WNT3A: variants seen among roughly 807,000 people sequenced by gnomAD.
WNT3A encodes protein Wnt-3a.
Under a neutral mutation model 37.0 loss-of-function variants are expected in WNT3A, and 17 were observed. The observed-to-expected ratio is 0.46, with a 90% CI of 0.31 to 0.69. WNT3A has a LOEUF of 0.69. WNT3A is among the 30% of genes least tolerant of loss of function. The pLI is 0.05. For synonymous variants in WNT3A, 187 were observed against 211.0 expected, an observed-to-expected ratio of 0.89 and a Z score of 0.99; for missense variants, 411 against 510.2, an observed-to-expected ratio of 0.81 and a Z score of 1.87.
rs769083925 is a variant in WNT3A at position 228,007,135 on chromosome 1, C to T, written c.7C>T (p.Pro3Ser). MA[P>S]LGYFLLLCSL... is the part of the protein sequence containing the mutation. Reference sequence around the variant, plus strand: ...CGCGCCCTCTCGCGCGGCGATGGCCCCACTCGGATACTTCTTACTCCTCTG... The same window carrying T: ...CGCGCCCTCTCGCGCGGCGATGGCCTCACTCGGATACTTCTTACTCCTCTG... Residue 3 changes from proline (P) to serine (S), a missense_variant, in exon 1 of 4, where the codon CCA becomes TCA. Pro to Ser is a moderately conservative substitution (Grantham distance 74). Coordinates refer to ENST00000284523, the MANE Select transcript of WNT3A (RefSeq NM_033131.4). The surrounding 1 kb of genome is among the most constrained non-coding windows in gnomAD (Gnocchi z 6.0). The T allele has an allele frequency of 6.3e-7, 1 of 1,588,614 alleles. No individual in the cohort carries two copies. The highest frequency in any genetic ancestry group is 1.1e-5 in the South Asian group (1 of 87,882).
In WNT3A at chr1:228,031,050, T is replaced by C. The variant is rs937572986; in HGVS notation, c.313+8142T>C. Reference sequence around the variant, plus strand: ...GGTGGGGCCTGGCTGAGGCCATCCATGGGCAGGAGCCCTCCAGCATCCAGT... The same window carrying C: ...GGTGGGGCCTGGCTGAGGCCATCCACGGGCAGGAGCCCTCCAGCATCCAGT... On this transcript the variant is annotated intron_variant, in intron 2 of 3. Transcript: ENST00000284523. The surrounding 1 kb of genome is among the most constrained non-coding windows in gnomAD (Gnocchi z 4.8). 6.6e-6 allele frequency among the ~76,000 whole-genome samples: 1 copy of C among 152,206 alleles called. No individual in the cohort carries two copies. The highest frequency in any genetic ancestry group is 1.9e-4 in the East Asian group (1 of 5,170).
At chr1:228,041,674 T>C (rs995349831) in intron 2 of WNT3A, among the ~76,000 whole-genome samples, 1 of 152,130 alleles carries the variant, frequency 6.6e-6, no homozygotes, top group African/African-American at 2.4e-5. Context: ...TCAGAGCTCA[T>C]GTTGTCAAGC....
rs1558286472 is a variant in WNT3A, at chr1:228,022,917, G to A, written c.313+9G>A. On this transcript the variant is annotated intron_variant, in intron 2 of 3. Coordinates refer to ENST00000284523, the MANE Select transcript of WNT3A (RefSeq NM_033131.4). ...GCCCGTGCTGGACAAAGGTATGGGG[G>A]TGGTCTGGGGGAGGGCAGATGAGTC... 6.3e-7 allele frequency: 1 copy of A among 1,595,984 alleles called. No individual in the cohort carries two copies. Among genetic ancestry groups the A allele is most frequent in the Non-Finnish European group, 8.6e-7 (1 of 1,167,756 alleles).
Position 228,059,782 on chromosome 1 carries a change from C to T in WNT3A, c.*317C>T, listed in dbSNP as rs752108. On this transcript the variant is annotated 3_prime_UTR_variant, in exon 4 of 4. Coordinates refer to ENST00000284523, the MANE Select transcript of WNT3A (RefSeq NM_033131.4). ...AGGCGGGGCTACAGATTGGGCGGGG[C>T]TTCTCTTGGGTGGGACAGGGCTTCT... 3,881 of 1,149,908 alleles carry T rather than the reference C, an allele frequency of 3.4e-3. 92 individuals carry two copies. The African/African-American group carries it at 0.05, about 15-fold the overall frequency. The allele number at this position is 1,149,908 out of a possible 1,614,324, so 71.2% of individuals were successfully genotyped here.
Position 228,060,091 on chromosome 1 carries a change from T to G in WNT3A, c.*626T>G. On this transcript the variant is annotated 3_prime_UTR_variant, in exon 4 of 4. Coordinates refer to ENST00000284523, the MANE Select transcript of WNT3A (RefSeq NM_033131.4). ...GTGGGCGTGGCCTGCATAGGCTCCTTCCTGTGGGTGGGGCTTCTCTGGGAC... is the reference window on the plus strand; with the variant it reads ...GTGGGCGTGGCCTGCATAGGCTCCTGCCTGTGGGTGGGGCTTCTCTGGGAC... 1.6e-6 allele frequency: 2 copies of G among 1,251,484 alleles called. No homozygotes were observed. Among genetic ancestry groups the G allele is most frequent in the Non-Finnish European group, 2.1e-6 (2 of 970,866 alleles). 77.5% of individuals were successfully genotyped at this position (1,251,484 alleles called of 1,614,324 possible).
At position 228,060,335 on chromosome 1, in the gene WNT3A, G is replaced by A. The variant is rs769088618; in HGVS notation, c.*870G>A. On this transcript the variant is annotated 3_prime_UTR_variant, in exon 4 of 4. Coordinates refer to ENST00000284523, the MANE Select transcript of WNT3A (RefSeq NM_033131.4). ...GTCGGGTCCCCAACCCGTGCCCCTG[G>A]GATCCGAGGGCCCCTCTCCAAGCGC... 2.2e-6 allele frequency: 3 copies of A among 1,335,610 alleles called. No homozygotes were observed. In the East Asian group the frequency reaches 1.4e-4, roughly 61 times the overall value. The allele number at this position is 1,335,610 out of a possible 1,614,324, so 82.7% of individuals were successfully genotyped here. A position where few individuals can be genotyped will look rare whatever the true frequency, so the allele number is the denominator to read the frequency against.
chr1:228,009,599 C>T (rs1333198658), intron 1 of WNT3A, among the ~76,000 whole-genome samples: 1 of 152,220 alleles, frequency 6.6e-6, no homozygotes, highest in Admixed American at 6.5e-5. Flanking sequence ...TGTAACTCCT[C>T]ACCTGTGCCC....
chr1:228,022,146 A>C (rs2030723155), intron 1 of WNT3A, among the ~76,000 whole-genome samples: 1 of 152,232 alleles, frequency 6.6e-6, no homozygotes, highest in South Asian at 2.1e-4. Flanking sequence ...ACATTGTATT[A>C]AGCACTTCCT....
chr1:228,013,641 C>G (rs1242682542), intron 1 of WNT3A, among the ~76,000 whole-genome samples: 1 of 152,186 alleles, frequency 6.6e-6, no homozygotes, highest in Non-Finnish European at 1.5e-5. Context: ...GCCTTAAGTC[C>G]TGGGGACCCT....
chr1:228,027,032 G>A (rs1226490740), intron 2 of WNT3A, among the ~76,000 whole-genome samples: 1 of 152,030 alleles, frequency 6.6e-6, no homozygotes, highest in Non-Finnish European at 1.5e-5. Flanking sequence ...CAGTACAGAC[G>A]GGGTTTCACC....
At chr1:228,026,059 TG>T (rs1311233150) in intron 2 of WNT3A, among the ~76,000 whole-genome samples, 17 of 152,106 alleles carry the variant, frequency 1.1e-4, no homozygotes, top group African/African-American at 4.1e-4. Context: ...GTGGCCAGCT[TG>T]TAATTGTTTT....
intron 2 of WNT3A, among the ~76,000 whole-genome samples, chr1:228,036,228 TCA>T (rs2031138578): frequency 6.6e-6 from 1 of 152,182 alleles, no homozygotes; most frequent in Admixed American, 6.5e-5. Context: ...TTAAAAACCC[TCA>T]GTCAGCTGTG....
chr1:228,019,950 G>C (rs708120), intron 1 of WNT3A, among the ~76,000 whole-genome samples: 67,765 of 152,114 alleles, frequency 0.45, 16,657 homozygotes, highest in Middle Eastern at 0.61. Flanking sequence ...CCTTGCCTGG[G>C]CACGGTGGCT....
intron 2 of WNT3A, among the ~76,000 whole-genome samples, chr1:228,030,388 T>C (rs1222912316): frequency 6.9e-6 from 1 of 144,076 alleles, no homozygotes; most frequent in Non-Finnish European, 1.5e-5. Flanking sequence ...AGAGTGAGAC[T>C]CCATCTCAAA....
At position 228,007,102 on chromosome 1, in the gene WNT3A, C is replaced by G. The variant is rs757978719; in HGVS notation, c.-27C>G. The G allele has an allele frequency of 3.2e-6, 5 of 1,544,362 alleles. No homozygotes were observed. Among genetic ancestry groups the G allele is most frequent in the Admixed American group, 1.9e-5 (1 of 53,004 alleles). On this transcript the variant is annotated 5_prime_UTR_variant, in exon 1 of 4. Coordinates refer to ENST00000284523, the MANE Select transcript of WNT3A (RefSeq NM_033131.4). This position sits in a 1 kb window ranked among gnomAD's most constrained non-coding sequence, Gnocchi z 6.0. ...CGCTCACGCTCTCGGGGCGGACTCC[C>G]GGCCCTCCGCGCCCTCTCGCGCGGC...
intron 1 of WNT3A, among the ~76,000 whole-genome samples, chr1:228,010,074 C>A (rs2030325114): frequency 6.6e-6 from 1 of 152,206 alleles, no homozygotes; most frequent in Admixed American, 6.5e-5. Flanking sequence ...ACGGCAGGAA[C>A]CTAGTGGCCC....
intron 1 of WNT3A, among the ~76,000 whole-genome samples, chr1:228,022,232 G>T (rs1206498762): frequency 1.3e-5 from 2 of 152,194 alleles, no homozygotes; most frequent in African/African-American, 4.8e-5. Flanking sequence ...GCTCTAGCGA[G>T]AGGTCACTTG....
At chr1:228,054,339 TG>T (rs2031620992) in intron 3 of WNT3A, among the ~76,000 whole-genome samples, 1 of 152,140 alleles carries the variant, frequency 6.6e-6, no homozygotes, top group South Asian at 2.1e-4. Context: ...GAAAACACAA[TG>T]TTGGCTGGGC....
chr1:228,022,862 C>T lies in WNT3A; in HGVS notation c.267C>T (p.Thr89=), dbSNP rs1299093299. 6 of 1,613,814 alleles carry T rather than the reference C, an allele frequency of 3.7e-6. No homozygotes were observed. The highest frequency in any genetic ancestry group is 5.1e-6 in the Non-Finnish European group (6 of 1,179,906). Residue 89 remains threonine, a synonymous_variant, in exon 2 of 4, where the codon ACC becomes ACT. Transcript: ENST00000284523. ...HQFRGRRWNC[T]TVHDSLAIFG... ...TCCGCGGCCGCCGGTGGAACTGCAC[C>T]ACCGTCCACGACAGCCTGGCCATCT...
Sources: allele counts gnomAD v4.1 joint callset (sites outside exome capture counted in the v4.1 genomes callset), GRCh38; gene constraint gnomAD v4.1.1; non-coding constraint Gnocchi (gnomAD v3.1); transcripts MANE v1.5; gene names NCBI Gene and HGNC (gene_info 2026-07-23, HGNC 2026-07-21).